ATOSA: variants seen among roughly 807,000 people sequenced by gnomAD.
ATOSA encodes atos homolog protein A.
chr15:52,616,108 C>A, the ATOSA span, among the ~76,000 whole-genome samples: 1 of 152,166 alleles, frequency 6.6e-6, no homozygotes, highest in Non-Finnish European at 1.5e-5. Flanking sequence ...ACACAACAAC[C>A]AAATACATAT....
chr15:52,679,764 C>T, the ATOSA span, among the ~76,000 whole-genome samples: 2 of 13,148 alleles, frequency 1.5e-4, no homozygotes, highest in Non-Finnish European at 5.2e-4. Flanking sequence ...GTCTCCTCCT[C>T]CTCCTCCTCC....
At chr15:52,638,798 G>C in the ATOSA span, among the ~76,000 whole-genome samples, 1 of 151,726 alleles carries the variant, frequency 6.6e-6, no homozygotes, top group African/African-American at 2.4e-5. Context: ...AAGTTCTGCA[G>C]GGTTTTGCTG....
At chr15:52,671,613 T>C in the ATOSA span, among the ~76,000 whole-genome samples, 3 of 152,062 alleles carry the variant, frequency 2.0e-5, no homozygotes, top group East Asian at 5.8e-4. Context: ...GTCAATGCTA[T>C]GAAGGAAATA....
chr15:52,675,373 T>G, the ATOSA span, among the ~76,000 whole-genome samples: 1 of 152,088 alleles, frequency 6.6e-6, no homozygotes, highest in African/African-American at 2.4e-5. Context: ...AAACAGCCAA[T>G]AGAAAAAGAA....
At chr15:52,667,281 A>AT in the ATOSA span, among the ~76,000 whole-genome samples, 1 of 152,338 alleles carries the variant, frequency 6.6e-6, no homozygotes. Flanking sequence ...ACATGATCTA[A>AT]TTTTTTATCA....
At chr15:52,675,254 A>G in the ATOSA span, among the ~76,000 whole-genome samples, 1 of 152,216 alleles carries the variant, frequency 6.6e-6, no homozygotes, top group African/African-American at 2.4e-5. Context: ...ATTTCAAAGT[A>G]CAGTAGAAAC....
At chr15:52,590,930 G>A in the ATOSA span, among the ~76,000 whole-genome samples, 7 of 152,280 alleles carry the variant, frequency 4.6e-5, no homozygotes, top group African/African-American at 1.7e-4. Context: ...TCAGTAACCT[G>A]ATTTATACCC....
the ATOSA span, among the ~76,000 whole-genome samples, chr15:52,630,317 G>T: frequency 6.6e-6 from 1 of 152,078 alleles, no homozygotes. Flanking sequence ...AAGATGAAGT[G>T]CTACACCAAA....
chr15:52,702,694 C>T, the ATOSA span, among the ~76,000 whole-genome samples: 1 of 149,850 alleles, frequency 6.7e-6, no homozygotes, highest in Non-Finnish European at 1.5e-5. Context: ...AACTGTACCC[C>T]ACACCTCAGT....
the ATOSA span, chr15:52,649,611 ACT>A: frequency 5.3e-5 from 8 of 152,246 alleles, no homozygotes; most frequent in Non-Finnish European, 7.4e-5. Context: ...AAAAGAAATC[ACT>A]GTTTTTGAGA....
the ATOSA span, chr15:52,611,840 G>GA: frequency 6.8e-7 from 1 of 1,476,628 alleles, no homozygotes; most frequent in Non-Finnish European, 9.4e-7. Context: ...GTTTAAAATA[G>GA]AAAATTATCA....
the ATOSA span, among the ~76,000 whole-genome samples, chr15:52,620,538 T>C: frequency 6.6e-6 from 1 of 152,222 alleles, no homozygotes. Flanking sequence ...TTATATATGC[T>C]GTTTATTTCT....
the ATOSA span, among the ~76,000 whole-genome samples, chr15:52,689,963 A>T: frequency 6.6e-6 from 1 of 152,208 alleles, no homozygotes; most frequent in Admixed American, 6.5e-5. Flanking sequence ...GTCCTAAATG[A>T]TGGCAATGAT....
At chr15:52,625,863 T>C in the ATOSA span, among the ~76,000 whole-genome samples, 1 of 152,198 alleles carries the variant, frequency 6.6e-6, no homozygotes, top group Non-Finnish European at 1.5e-5. Context: ...AGAGCAGTAG[T>C]AAAGGGCTCA....
chr15:52,607,881 TTC>T, the ATOSA span, among the ~76,000 whole-genome samples: 1 of 152,138 alleles, frequency 6.6e-6, no homozygotes, highest in Admixed American at 6.5e-5. Context: ...GTTGGTTTTT[TTC>T]TGTTTCTGTT....
chr15:52,706,617 A>G, the ATOSA span, among the ~76,000 whole-genome samples: 1 of 152,208 alleles, frequency 6.6e-6, no homozygotes, highest in Admixed American at 6.6e-5. Context: ...CCAGCTTGAA[A>G]GACCCAAATC....
chr15:52,700,051 A>G, the ATOSA span, among the ~76,000 whole-genome samples: 7 of 152,208 alleles, frequency 4.6e-5, no homozygotes, highest in Non-Finnish European at 7.3e-5. Context: ...TTTCGAATCT[A>G]AAGTTTAGAT....
the ATOSA span, among the ~76,000 whole-genome samples, chr15:52,705,121 T>A: frequency 1.3e-5 from 2 of 152,168 alleles, no homozygotes; most frequent in African/African-American, 4.8e-5. Context: ...CCATCAATAA[T>A]AGACTGGATA....
the ATOSA span, among the ~76,000 whole-genome samples, chr15:52,702,055 A>G: frequency 1.3e-5 from 2 of 152,202 alleles, no homozygotes; most frequent in Non-Finnish European, 2.9e-5. Flanking sequence ...CAAAATCACA[A>G]GATTTTGTAT....
Sources: gnomAD v4.1 joint callset for allele counts (sites outside exome capture counted in the v4.1 genomes callset) on GRCh38, gnomAD v4.1.1 for gene constraint, MANE v1.5 for transcripts, NCBI Gene and HGNC (gene_info 2026-07-23, HGNC 2026-07-21) for gene names.